ATP13A4: variants seen among roughly 807,000 people sequenced by gnomAD.
The protein encoded by ATP13A4 is probable cation-transporting ATPase 13A4.
A neutral mutation model predicts 142.5 loss-of-function variants in ATP13A4; 114 were observed. The observed-to-expected ratio is 0.80, with a 90% confidence interval of 0.69 to 0.93. The LOEUF (loss-of-function observed/expected upper bound fraction) is 0.93, where lower values mean the gene tolerates loss of function less well. ATP13A4 is among the 40% of genes least tolerant of loss of function. The pLI is 0.00. For missense variants in ATP13A4, 1,392 were observed against 1,454.0 expected (o/e 0.96, Z 0.69); for synonymous variants, 488 against 514.8 (o/e 0.95, Z 0.70).
chr3:193,502,359 G>T, intron 3 of ATP13A4, 134 bp downstream of exon 3: 1 of 1,090,560 alleles, frequency 9.2e-7, no homozygotes, highest in Non-Finnish European at 1.4e-6. Context: ...GGACTGTCTG[G>T]CTCCAAAGTT....
intron 1 of ATP13A4, among the ~76,000 whole-genome samples, chr3:193,590,381 G>A (rs963057031): frequency 2.6e-5 from 4 of 152,062 alleles, no homozygotes; most frequent in Admixed American, 6.6e-5. Context: ...GAAATATACC[G>A]CAAAAAAGCA....
At chr3:193,515,806 T>C (rs1721378045) in intron 1 of ATP13A4, among the ~76,000 whole-genome samples, 2 of 152,228 alleles carry the variant, frequency 1.3e-5, no homozygotes, top group Non-Finnish European at 2.9e-5. Flanking sequence ...TACTTTACAC[T>C]GGTTATGACA....
At chr3:193,404,933 C>T (rs546309279) in intron 29 of ATP13A4, among the ~76,000 whole-genome samples, 1 of 152,180 alleles carries the variant, frequency 6.6e-6, no homozygotes, top group Non-Finnish European at 1.5e-5. Flanking sequence ...CCTATATAAA[C>T]ACATCAATAA....
intron 14 of ATP13A4, chr3:193,458,787 A>G: frequency 1.7e-6 from 1 of 593,274 alleles, no homozygotes; most frequent in South Asian, 2.1e-5. Flanking sequence ...AAATAACTGC[A>G]TAATAAGTAC....
chr3:193,581,398 ATGAC>A (rs1455438795), intron 2 of ATP13A4, among the ~76,000 whole-genome samples: 1 of 152,200 alleles, frequency 6.6e-6, no homozygotes, highest in Non-Finnish European at 1.5e-5. Flanking sequence ...TACTGCCACC[ATGAC>A]TAGTTTCAAG....
At position 193,554,881 on chromosome 3, in the gene ATP13A4, G is replaced by C. The variant is rs1723821871; in HGVS notation, c.-82C>G. 3 of 1,612,492 alleles carry C rather than the reference G, an allele frequency of 1.9e-6. No homozygotes were observed. In the East Asian group the frequency reaches 6.7e-5, roughly 36 times the overall value. The stretch of plus-strand genomic sequence containing the variant: ...AACTCCAACTCGCCGAGCCACCGCA[G>C]CTCCTCAGCTGACTAAAAGAGTTAA... On this transcript the variant is annotated 5_prime_UTR_variant, in exon 1 of 30. Transcript: ENST00000342695.
intron 2 of ATP13A4, among the ~76,000 whole-genome samples, chr3:193,574,020 C>T (rs1560287649): frequency 6.6e-6 from 1 of 152,124 alleles, no homozygotes; most frequent in Non-Finnish European, 1.5e-5. Flanking sequence ...AACTAATCTA[C>T]ATACAGACAT....
At chr3:193,461,258 A>C (rs113547874) in intron 13 of ATP13A4, among the ~76,000 whole-genome samples, 2 of 152,324 alleles carry the variant, frequency 1.3e-5, no homozygotes, top group African/African-American at 4.8e-5. Context: ...CAAAAGACAG[A>C]ACATATTGAG....
chr3:193,576,133 A>G (rs13324968), intron 2 of ATP13A4, among the ~76,000 whole-genome samples: 64,611 of 151,858 alleles, frequency 0.43, 13,980 homozygotes, highest in Non-Finnish European at 0.44. Context: ...ATTTAGAGGA[A>G]GCCAAAGATC....
intron 3 of ATP13A4, among the ~76,000 whole-genome samples, chr3:193,493,786 A>G (rs545464624): frequency 6.6e-6 from 1 of 152,148 alleles, no homozygotes; most frequent in Non-Finnish European, 1.5e-5. Flanking sequence ...ACTTGGGCAG[A>G]TAATGAGGCT....
At chr3:193,576,808 G>T (rs1045655482) in intron 2 of ATP13A4, among the ~76,000 whole-genome samples, 9 of 152,160 alleles carry the variant, frequency 5.9e-5, no homozygotes, top group Admixed American at 3.3e-4. Context: ...ACTCATAAAA[G>T]CATTCTACAG....
rs1271867324 is a variant in ATP13A4, at chr3:193,401,438, C to CCATATAATG, written c.*1205_*1213dup. Among the ~76,000 whole-genome samples the CCATATAATG allele has an allele frequency of 6.6e-5, 10 of 152,030 alleles. No homozygotes were observed. The highest frequency in any genetic ancestry group is 2.2e-4 in the African/African-American group (9 of 41,392). On this transcript the variant is annotated 3_prime_UTR_variant, in exon 30 of 30. Coordinates refer to ENST00000342695, the MANE Select transcript of ATP13A4 (RefSeq NM_032279.4). The stretch of plus-strand genomic sequence containing the variant: ...TGTGTAAGAACTCCCATCAATAGTG[C>CCATATAATG]CATATAATGCTGTAGCATGAGACTA...
rs71179308 is a variant in ATP13A4 at position 193,541,248 on chromosome 3, CAAA to C, written c.60+13489_60+13491del. Among the ~76,000 whole-genome samples, 105 of 51,282 alleles carry C rather than the reference CAAA, an allele frequency of 2.0e-3. 2 individuals carry two copies. The highest frequency in any genetic ancestry group is 6.9e-3 in the African/African-American group (98 of 14,250). The allele number at this position is 51,282 out of a possible 152,430, so 33.6% of individuals were successfully genotyped here. A position where few individuals can be genotyped will look rare whatever the true frequency, so the allele number is the denominator to read the frequency against. On this transcript the variant is annotated intron_variant, in intron 1 of 29. Coordinates refer to ENST00000342695, the MANE Select transcript of ATP13A4 (RefSeq NM_032279.4). ...TGGGCGACAGAGCGAGACTCCTTCT[CAAA>C]AAAAAAAAAAAAAAAAAAATCAGAA...
intron 1 of ATP13A4, among the ~76,000 whole-genome samples, chr3:193,529,417 T>C (rs1244804432): frequency 2.0e-5 from 3 of 151,894 alleles, no homozygotes; most frequent in Non-Finnish European, 2.9e-5. Flanking sequence ...ATATATACAC[T>C]ATATAAAATA....
At chr3:193,568,159 C>A (rs1724181897) in intron 2 of ATP13A4, among the ~76,000 whole-genome samples, 1 of 152,032 alleles carries the variant, frequency 6.6e-6, no homozygotes, top group South Asian at 2.1e-4. Context: ...CGGGTTTTCA[C>A]CATGTTGGCC....
chr3:193,432,424 T>G (rs1037247731), intron 25 of ATP13A4, among the ~76,000 whole-genome samples: 1 of 152,112 alleles, frequency 6.6e-6, no homozygotes, highest in African/African-American at 2.4e-5. Context: ...TTATTTCCAC[T>G]CAAAAATCTG....
chr3:193,466,297 T>C, intron 10 of ATP13A4, 115 bp from the exon 11 acceptor site: 1 of 1,282,530 alleles, frequency 7.8e-7, no homozygotes, highest in Non-Finnish European at 1.1e-6. Context: ...GTGTTTAAGC[T>C]CAAAGGCAAT....
chr3:193,399,623 C>T lies in ATP13A4; in HGVS notation c.*3029G>A, dbSNP rs533109125. On this transcript the variant is annotated 3_prime_UTR_variant, in exon 30 of 30. Transcript: ENST00000342695. ...CGGCACTTTGGGAGGCCGAGGCGGG[C>T]GGATCACGAGGTCAGGAGATTGAAA... 2.6e-5 allele frequency among the ~76,000 whole-genome samples: 4 copies of T among 151,990 alleles called. No individual in the cohort carries two copies. Among genetic ancestry groups the T allele is most frequent in the East Asian group, 3.9e-4 (2 of 5,148 alleles).
chr3:193,583,391 C>A (rs942323536), intron 1 of ATP13A4, among the ~76,000 whole-genome samples: 1 of 150,940 alleles, frequency 6.6e-6, no homozygotes, highest in East Asian at 1.9e-4. Context: ...CGAGATCATG[C>A]CACTGCACTC....
Sources: gnomAD v4.1 joint callset for allele counts (sites outside exome capture counted in the v4.1 genomes callset) on GRCh38, gnomAD v4.1.1 for gene constraint, MANE v1.5 for transcripts, NCBI Gene and HGNC (gene_info 2026-07-23, HGNC 2026-07-21) for gene names.